PPFIA3: variants seen among roughly 807,000 people sequenced by gnomAD.
PPFIA3 encodes the protein PPFI scaffold protein A3, also known as liprin-alpha-3.
In PPFIA3, 26 loss-of-function variants were observed where a neutral mutation model predicts 145.8. That is an observed-to-expected ratio of 0.18 (90% confidence interval 0.13 to 0.25). The LOEUF (loss-of-function observed/expected upper bound fraction) is 0.25. Among genes scored for constraint, PPFIA3 ranks in the 10% least tolerant of loss-of-function variants. The probability of loss-of-function intolerance (pLI) is 1.00; values close to 1 mark genes in which losing one functional copy is unlikely to be tolerated. For missense variants in PPFIA3, 1,008 were observed against 1,587.8 expected (o/e 0.63, Z 6.21); for synonymous variants, 645 against 661.4 (o/e 0.98, Z 0.38).
chr19:49,149,416 G>T lies in PPFIA3; in HGVS notation c.3354+91G>T, dbSNP rs2041317324. Reference sequence around the variant, plus strand: ...GCGGGGCCTGACTATTAATGGTCACGGTTGGAGGCGGGGCCAGGAGAGGGG... The same window carrying T: ...GCGGGGCCTGACTATTAATGGTCACTGTTGGAGGCGGGGCCAGGAGAGGGG... On this transcript the variant is annotated intron_variant, in intron 27 of 29. Coordinates refer to ENST00000334186, the MANE Select transcript of PPFIA3 (RefSeq NM_003660.4). This position sits in a 1 kb window ranked among gnomAD's most constrained non-coding sequence, Gnocchi z 5.7. 29 of 1,589,426 alleles carry T rather than the reference G, an allele frequency of 1.8e-5. No homozygotes were observed. The highest frequency in any genetic ancestry group is 2.2e-5 in the Non-Finnish European group (26 of 1,158,814).
At chr19:49,134,722 A>G (rs563673693) in intron 12 of PPFIA3, 21 bp downstream of exon 12, 2 of 1,613,212 alleles carry the variant, frequency 1.2e-6, no homozygotes, top group Non-Finnish European at 1.7e-6. Flanking sequence ...CTGAGGGGAC[A>G]GGAGGAGGAT....
intron 18 of PPFIA3, among the ~76,000 whole-genome samples, chr19:49,140,639 CTTTTT>C (rs4002348): frequency 4.7e-5 from 3 of 63,830 alleles, no homozygotes; most frequent in African/African-American, 2.4e-4. Flanking sequence ...ACTCATTTAC[CTTTTT>C]TTTTTTTTTT....
At position 49,138,333 on chromosome 19, in the gene PPFIA3, C is replaced by A; in HGVS notation, c.1982C>A (p.Thr661Asn). The A allele has an allele frequency of 6.2e-7, 1 of 1,612,232 alleles. No homozygotes were observed. The highest frequency in any genetic ancestry group is 8.5e-7 in the Non-Finnish European group (1 of 1,179,300). ...TGCTCCCTGCCCCCCTCCCTCACCA[C>A]CTCTACCCTTGCCAGCCCCTCCCCT... Reference protein sequence around the residue: ...SSCSLPPSLTTSTLASPSPPS... With the variant: ...SSCSLPPSLTNSTLASPSPPS... The change falls in exon 16 of 30, where the codon ACC becomes AAC. Residue 661 changes from threonine to asparagine, a missense_variant. Physicochemically the swap from Thr to Asn is moderately conservative, Grantham distance 65 (BLOSUM62 0). Transcript: ENST00000334186.
chr19:49,132,218 G>A (rs1031601794), intron 7 of PPFIA3, among the ~76,000 whole-genome samples: 1 of 150,940 alleles, frequency 6.6e-6, no homozygotes, highest in African/African-American at 2.4e-5. Context: ...TGAAACCCCC[G>A]TCTCTACTGA....
chr19:49,129,295 C>A, intron 4 of PPFIA3, 85 bp from the exon 5 acceptor site: 2 of 1,392,214 alleles, frequency 1.4e-6, no homozygotes, highest in Non-Finnish European at 1.9e-6. Flanking sequence ...CTATCGGATC[C>A]GTCCCAGGGG....
Position 49,135,820 on chromosome 19 carries a change from C to T in PPFIA3, c.1562C>T (p.Ala521Val). The stretch of plus-strand genomic sequence containing the variant: ...GCCCTGGAGCTCCGTTACTCTCAGG[C>T]ACCCACTTTACCTTCTGGTGCCCAC... ...GSALELRYSQ[A>V]PTLPSGAHLD... is the part of the protein sequence containing the mutation. The change falls in exon 14 of 30, where the codon GCA becomes GTA. Residue 521 changes from alanine to valine, a missense_variant. By Grantham distance (64) the Ala-to-Val change is moderately conservative. This residue lies in a region of PPFIA3 where 121 missense variants were observed against 138.2 expected (regional missense o/e 0.88). Coordinates refer to ENST00000334186, the MANE Select transcript of PPFIA3 (RefSeq NM_003660.4). 1 of 1,613,960 alleles carries T rather than the reference C, an allele frequency of 6.2e-7. No homozygotes were observed. The highest frequency in any genetic ancestry group is 8.5e-7 in the Non-Finnish European group (1 of 1,179,916).
At chr19:49,139,623 A>G in intron 16 of PPFIA3, 45 bp from the exon 17 acceptor site, 1 of 1,520,394 alleles carries the variant, frequency 6.6e-7, no homozygotes, top group South Asian at 1.3e-5. Flanking sequence ...AGCCCCCGAC[A>G]TGACTCTTTG....
At chr19:49,124,349 G>A (rs577715754) in intron 1 of PPFIA3, among the ~76,000 whole-genome samples, 5 of 151,954 alleles carry the variant, frequency 3.3e-5, no homozygotes, top group Non-Finnish European at 7.4e-5. Flanking sequence ...ATGAGCCACC[G>A]CGCCTGGCCC....
intron 23 of PPFIA3, among the ~76,000 whole-genome samples, chr19:49,147,853 G>A (rs2041299090): frequency 6.6e-6 from 1 of 152,258 alleles, no homozygotes; most frequent in African/African-American, 2.4e-5. Context: ...CACAGGTGAT[G>A]GTGACGCTCT....
At chr19:49,140,205 T>G in intron 18 of PPFIA3, 117 bp downstream of exon 18, 1 of 1,315,888 alleles carries the variant, frequency 7.6e-7, no homozygotes, top group Non-Finnish European at 1.0e-6. Flanking sequence ...ATTTGGTGAT[T>G]TATTTAGAAT....
rs1163694023 is a variant in PPFIA3 at position 49,139,969 on chromosome 19, C to T, written c.2249C>T (p.Thr750Ile). 1.2e-6 allele frequency: 2 copies of T among 1,614,132 alleles called. No individual in the cohort carries two copies. Among genetic ancestry groups the T allele is most frequent in the Non-Finnish European group, 1.7e-6 (2 of 1,180,034 alleles). The change falls in exon 18 of 30, where the codon ACC becomes ATC. Residue 750 changes from threonine (T) to isoleucine (I), a missense_variant. Thr to Ile is a moderately conservative substitution (Grantham distance 89, BLOSUM62 -1). Coordinates refer to ENST00000334186, the MANE Select transcript of PPFIA3 (RefSeq NM_003660.4). ...CTCTCCTGCTTTCCCAGTGAGGGCA[C>T]CCCAGATTCTCTGCACAAAGCCCCC... is the stretch of plus-strand genomic sequence containing the variant. ...DGGPPRGSEG[T>I]PDSLHKAPKK...
In PPFIA3 at chr19:49,139,721, C is replaced by T. The variant is rs2041191305; in HGVS notation, c.2130C>T (p.Ile710=). The change falls in exon 17 of 30, where the codon ATC becomes ATT. Residue 710 remains isoleucine, a synonymous_variant. Coordinates refer to ENST00000334186, the MANE Select transcript of PPFIA3 (RefSeq NM_003660.4). The part of the protein sequence containing the change: ...AGAPRGEGPA[I]PGDTPPPTPR... The stretch of plus-strand genomic sequence containing the variant: ...CTCCACGAGGGGAGGGGCCGGCCAT[C>T]CCAGGAGACACCCCACCACCCACTC... The T allele has an allele frequency of 6.2e-7, 1 of 1,613,532 alleles. No homozygotes were observed. The highest frequency in any genetic ancestry group is 2.2e-5 in the East Asian group (1 of 44,880).
In PPFIA3 at chr19:49,128,293, T is replaced by G. The variant is rs2041028374; in HGVS notation, c.241-74T>G. On this transcript the variant is annotated intron_variant, in intron 2 of 29. Transcript: ENST00000334186. This position sits in a 1 kb window ranked among gnomAD's most constrained non-coding sequence, Gnocchi z 4.1. ...AGCAGGGAGGGCGGGACCTTCAAAC[T>G]TCCAGTCCCAGTGAATGAAGGAGAC... 6.4e-7 allele frequency: 1 copy of G among 1,562,598 alleles called. No individual in the cohort carries two copies. The highest frequency in any genetic ancestry group is 1.4e-5 in the African/African-American group (1 of 73,814).
At chr19:49,122,398 A>G (rs1374260482) in intron 1 of PPFIA3, among the ~76,000 whole-genome samples, 3 of 152,004 alleles carry the variant, frequency 2.0e-5, no homozygotes, top group Admixed American at 2.0e-4. Context: ...TTTTTCATAT[A>G]TTTAGATAAG....
rs768944006 is a variant in PPFIA3 at position 49,136,757 on chromosome 19, C to CCACCCCCAT, written c.1700_1708dup (p.Pro569_Phe570insSerProPro). On this transcript the variant is annotated inframe_insertion, in exon 15 of 30. Coordinates refer to ENST00000334186, the MANE Select transcript of PPFIA3 (RefSeq NM_003660.4). ...GCGGTCTGCCCCTGCGGGCTCCATACCACCCCCATTCCCTGGGGAACTGGA... is the reference window on the plus strand; with the variant it reads ...GCGGTCTGCCCCTGCGGGCTCCATACCACCCCCATCACCCCCATTCCCTGGGGAACTGGA... 16 of 1,572,990 alleles carry CCACCCCCAT rather than the reference C, an allele frequency of 1.0e-5. No individual in the cohort carries two copies. The East Asian group carries it at 3.7e-4, about 36-fold the overall frequency.
chr19:49,129,498 G>C, intron 5 of PPFIA3, 44 bp downstream of exon 5: 2 of 1,545,290 alleles, frequency 1.3e-6, no homozygotes, highest in Non-Finnish European at 1.7e-6. Flanking sequence ...CAAGGGGAGG[G>C]GCTAAGGGGC....
rs1176254760 is a variant in PPFIA3, at chr19:49,133,403, T to G, written c.1161+32T>G. ...GGAGGACTCGGGTCGGGGCCTTGCGTGGGGAAGGGGTGGGGCCTAGAGGAG... is the reference window on the plus strand; with the variant it reads ...GGAGGACTCGGGTCGGGGCCTTGCGGGGGGAAGGGGTGGGGCCTAGAGGAG... On this transcript the variant is annotated intron_variant, in intron 9 of 29. Transcript: ENST00000334186. The surrounding 1 kb of genome is among the most constrained non-coding windows in gnomAD (Gnocchi z 7.2). 19 of 1,462,438 alleles carry G rather than the reference T, an allele frequency of 1.3e-5. No individual in the cohort carries two copies. The highest frequency in any genetic ancestry group is 8.5e-5 in the African/African-American group (5 of 58,560). 90.6% of individuals were successfully genotyped at this position (1,462,438 alleles called of 1,614,324 possible).
At chr19:49,142,005 C>A in intron 19 of PPFIA3, 29 bp from the exon 20 acceptor site, 1 of 1,543,838 alleles carries the variant, frequency 6.5e-7, no homozygotes, top group Non-Finnish European at 8.8e-7. Context: ...TCCCTGACAG[C>A]TTCTATCCTG....
chr19:49,128,435 T>G lies in PPFIA3; in HGVS notation c.309T>G (p.Ile103Met), dbSNP rs750135944. The G allele has an allele frequency of 7.5e-5, 115 of 1,538,418 alleles. No individual in the cohort carries two copies. The highest frequency in any genetic ancestry group is 9.7e-5 in the Non-Finnish European group (111 of 1,140,872). ...AGCTGCTGGAGAGGGAGGAAGAGATTGCAGAGCTGAAGGCGGAACGGAACA... is the reference window on the plus strand; with the variant it reads ...AGCTGCTGGAGAGGGAGGAAGAGATGGCAGAGCTGAAGGCGGAACGGAACA... Reference protein sequence around the residue: ...REQLLEREEEIAELKAERNNT... With the variant: ...REQLLEREEEMAELKAERNNT... The change falls in exon 3 of 30, where the codon ATT becomes ATG. Residue 103 changes from isoleucine to methionine, a missense_variant. By Grantham distance (10) the Ile-to-Met change is conservative. Coordinates refer to ENST00000334186, the MANE Select transcript of PPFIA3 (RefSeq NM_003660.4). This position sits in a 1 kb window ranked among gnomAD's most constrained non-coding sequence, Gnocchi z 4.1.
Sources: allele counts gnomAD v4.1 joint callset (sites outside exome capture counted in the v4.1 genomes callset), GRCh38; gene constraint gnomAD v4.1.1; regional missense constraint gnomAD v4.1.1; non-coding constraint Gnocchi (gnomAD v3.1); transcripts MANE v1.5; gene names NCBI Gene and HGNC (gene_info 2026-07-23, HGNC 2026-07-21).